The following OR51B5 variants were observed in gnomAD, a reference collection of about 807,000 sequenced individuals.
OR51B5 encodes olfactory receptor 51B5.
For synonymous variants in OR51B5, 186 were observed against 144.8 expected, an observed-to-expected ratio of 1.28 and a Z score of -2.04; for missense variants, 456 against 374.6, an observed-to-expected ratio of 1.22 and a Z score of -1.79.
At chr11:5,474,023 C>T (rs992914182) in intron 1 of OR51B5, among the ~76,000 whole-genome samples, 1 of 151,948 alleles carries the variant, frequency 6.6e-6, no homozygotes, top group Non-Finnish European at 1.5e-5. Context: ...AAAAGACACC[C>T]TTATAGGAAA....
At chr11:5,359,192 G>A (rs1052610093) in intron 1 of OR51B5, among the ~76,000 whole-genome samples, 2 of 151,604 alleles carry the variant, frequency 1.3e-5, no homozygotes, top group Non-Finnish European at 2.9e-5. Context: ...AGGAAAAGAG[G>A]AAGTCAAATT....
At chr11:5,476,953 T>C (rs994371491) in intron 1 of OR51B5, among the ~76,000 whole-genome samples, 1 of 152,340 alleles carries the variant, frequency 6.6e-6, no homozygotes, top group East Asian at 1.9e-4. Flanking sequence ...AAAGTTTCCG[T>C]TATACAAGAT....
intron 1 of OR51B5, among the ~76,000 whole-genome samples, chr11:5,380,671 G>A (rs951980000): frequency 2.6e-5 from 4 of 152,116 alleles, no homozygotes; most frequent in African/African-American, 9.7e-5. Flanking sequence ...GTAAAAATCT[G>A]AAAAAGCTAA....
At chr11:5,370,744 TAAA>T (rs542879197) in intron 1 of OR51B5, among the ~76,000 whole-genome samples, 93 of 152,168 alleles carry the variant, frequency 6.1e-4, no homozygotes, top group African/African-American at 2.1e-3. Context: ...AAGGAAATAA[TAAA>T]AAAGTGACAA....
At chr11:5,453,797 T>A (rs1564818398) in intron 1 of OR51B5, 2 of 1,614,236 alleles carry the variant, frequency 1.2e-6, no homozygotes, top group Non-Finnish European at 1.7e-6. Context: ...AGATGTTTCT[T>A]ATTCACTTCT....
upstream of OR51B5, chr11:5,346,282 G>A (rs1848989028): frequency 6.6e-6 from 1 of 152,060 alleles, no homozygotes; most frequent in Non-Finnish European, 1.5e-5. Flanking sequence ...AGCTATAATA[G>A]TGATCTATGG....
chr11:5,357,691 CTTTTCAGCACCACACCACACCT>C (rs1849216764), intron 1 of OR51B5, among the ~76,000 whole-genome samples: 1 of 150,596 alleles, frequency 6.6e-6, no homozygotes, highest in African/African-American at 2.4e-5. Flanking sequence ...AATATACATT[CTTTTCAGCACCACACCACACCT>C]ATTCCAAAAT....
chr11:5,378,253 G>A (rs1849557647), intron 1 of OR51B5, among the ~76,000 whole-genome samples: 1 of 152,046 alleles, frequency 6.6e-6, no homozygotes, highest in Admixed American at 6.6e-5. Flanking sequence ...GAACTGGCTA[G>A]CCATATGTAG....
At chr11:5,366,832 C>A (rs1301307264) in intron 1 of OR51B5, among the ~76,000 whole-genome samples, 1 of 151,976 alleles carries the variant, frequency 6.6e-6, no homozygotes, top group African/African-American at 2.4e-5. Context: ...AATTCCAATC[C>A]CAAGCACGGG....
At chr11:5,491,040 ATAAT>A (rs1297309004) in intron 1 of OR51B5, among the ~76,000 whole-genome samples, 3 of 152,280 alleles carry the variant, frequency 2.0e-5, no homozygotes, top group East Asian at 1.9e-4. Flanking sequence ...TGCCTTGCAC[ATAAT>A]TAATAAGCAC....
At chr11:5,384,179 G>C (rs1046135522) in intron 1 of OR51B5, among the ~76,000 whole-genome samples, 1 of 151,832 alleles carries the variant, frequency 6.6e-6, no homozygotes, top group Non-Finnish European at 1.5e-5. Context: ...TTGTTTCTTT[G>C]TTTGTTGTTT....
intron 1 of OR51B5, among the ~76,000 whole-genome samples, chr11:5,484,117 A>G (rs1851466878): frequency 6.6e-6 from 1 of 152,088 alleles, no homozygotes; most frequent in African/African-American, 2.4e-5. Flanking sequence ...CTGCAAACTC[A>G]TGTCTCTTGT....
rs145905673 is a variant in OR51B5, at chr11:5,453,984, C to T, written n.84+51585G>A. 111 of 1,614,036 alleles carry T rather than the reference C, an allele frequency of 6.9e-5. No homozygotes were observed. The African/African-American group carries it at 1.4e-3, about 20-fold the overall frequency. ...CCCTCTTCCCTTTCTTATTAAGAGG[C>T]TGCCTATCTGCAGATCCAATGTTCT... On this transcript the variant is annotated intron_variant and non_coding_transcript_variant, in intron 1 of 4. Coordinates refer to the OR51B5 transcript ENST00000415970.
chr11:5,468,547 GAATA>G (rs1358711595), intron 1 of OR51B5: 1 of 400,270 alleles, frequency 2.5e-6, no homozygotes, highest in Non-Finnish European at 5.1e-6. Context: ...AGTCTTGATG[GAATA>G]GATAATTGGG....
At chr11:5,413,533 G>GA (rs542438385) in intron 1 of OR51B5, among the ~76,000 whole-genome samples, 3,872 of 152,092 alleles carry the variant, frequency 0.025, 161 homozygotes, top group African/African-American at 0.085. Flanking sequence ...TAAAAACTTT[G>GA]AAAAAAATTT....
At chr11:5,480,183 A>G (rs1851394847) in intron 1 of OR51B5, among the ~76,000 whole-genome samples, 1 of 151,284 alleles carries the variant, frequency 6.6e-6, no homozygotes, top group Non-Finnish European at 1.5e-5. Flanking sequence ...CAATCAAACT[A>G]GAACTCAGGA....
At chr11:5,413,602 C>G (rs1330251614) in intron 1 of OR51B5, among the ~76,000 whole-genome samples, 3 of 152,138 alleles carry the variant, frequency 2.0e-5, no homozygotes, top group Non-Finnish European at 4.4e-5. Context: ...GCTGATGGAG[C>G]TGAAAGCCAA....
chr11:5,411,579 A>G (rs751926160), intron 1 of OR51B5, among the ~76,000 whole-genome samples: 9 of 152,226 alleles, frequency 5.9e-5, no homozygotes, highest in Non-Finnish European at 1.3e-4. Context: ...GGTAGACCAA[A>G]TAATGTCTCC....
At chr11:5,395,385 G>A (rs1423930782) in intron 1 of OR51B5, among the ~76,000 whole-genome samples, 3 of 152,192 alleles carry the variant, frequency 2.0e-5, no homozygotes, top group African/African-American at 7.2e-5. Context: ...GGAAGTCATT[G>A]GAGTGACCTC....
Sources: gnomAD v4.1 joint callset for allele counts (sites outside exome capture counted in the v4.1 genomes callset) on GRCh38, gnomAD v4.1.1 for gene constraint, MANE v1.5 for transcripts, NCBI Gene and HGNC (gene_info 2026-07-23, HGNC 2026-07-21) for gene names.